The following AP3S1 variants were observed in gnomAD, a reference collection of about 807,000 sequenced individuals.
AP3S1 encodes adaptor related protein complex 3 subunit sigma 1.
AP3S1 carries 12 observed loss-of-function variants against 21.3 expected under a neutral mutation model. The ratio of observed to expected loss-of-function variants is 0.56; its 90% CI spans 0.36 to 0.91. The LOEUF (loss-of-function observed/expected upper bound fraction) is 0.91, where lower values mean the gene tolerates loss of function less well. Ranked by LOEUF, AP3S1 falls within the 40% of genes least tolerant of loss-of-function variation. The probability of loss-of-function intolerance (pLI) is 0.01; values close to 1 mark genes in which losing one functional copy is unlikely to be tolerated. For missense variants in AP3S1, 116 were observed against 225.0 expected (o/e 0.52, Z 3.10); for synonymous variants, 48 against 78.4 (o/e 0.61, Z 2.05).
chr5:115,883,051 C>T (rs156659), intron 3 of AP3S1, among the ~76,000 whole-genome samples: 21,358 of 152,176 alleles, frequency 0.14, 1,776 homozygotes, highest in East Asian at 0.24. Flanking sequence ...GCCTCTGCCC[C>T]GACTAAGCTC....
chr5:115,895,432 C>T (rs779636995), intron 4 of AP3S1, among the ~76,000 whole-genome samples: 1 of 152,068 alleles, frequency 6.6e-6, no homozygotes, highest in Non-Finnish European at 1.5e-5. Flanking sequence ...AACCACTTAC[C>T]TCTGCCTAGG....
At chr5:115,864,420 C>T (rs1763449832) in intron 1 of AP3S1, among the ~76,000 whole-genome samples, 1 of 152,136 alleles carries the variant, frequency 6.6e-6, no homozygotes, top group African/African-American at 2.4e-5. Flanking sequence ...TGTAATTCAG[C>T]CTAAAGATCA....
intron 1 of AP3S1, among the ~76,000 whole-genome samples, chr5:115,847,709 G>C (rs143009774): frequency 1.3e-5 from 2 of 152,190 alleles, no homozygotes; most frequent in Admixed American, 1.3e-4. Context: ...TTTTGTATAT[G>C]TATATATTGT....
At chr5:115,871,462 A>T (rs529535755) in intron 3 of AP3S1, among the ~76,000 whole-genome samples, 2 of 152,280 alleles carry the variant, frequency 1.3e-5, no homozygotes, top group South Asian at 4.1e-4. Context: ...TCTAGATTTT[A>T]TCTTTGTCTA....
At chr5:115,852,153 CTT>C (rs1762482351) in intron 1 of AP3S1, among the ~76,000 whole-genome samples, 1 of 152,058 alleles carries the variant, frequency 6.6e-6, no homozygotes, top group African/African-American at 2.4e-5. Flanking sequence ...CTCAAATACT[CTT>C]TGTGTTTTCT....
chr5:115,845,603 G>A lies in AP3S1; in HGVS notation c.69+3497G>A, dbSNP rs1761996922. ...AATCTCAGCACTTTGGGAGGCCAAG[G>A]CAGGCGGATCACCTGAGGTCAAGAG... On this transcript the variant is annotated intron_variant, in intron 1 of 5. Transcript: ENST00000316788. Among the ~76,000 whole-genome samples the A allele has an allele frequency of 2.0e-5, 3 of 152,172 alleles. No homozygotes were observed. The South Asian group carries it at 6.2e-4, about 32-fold the overall frequency.
chr5:115,882,017 T>C (rs956045778), intron 3 of AP3S1, among the ~76,000 whole-genome samples: 1 of 151,818 alleles, frequency 6.6e-6, no homozygotes, highest in Non-Finnish European at 1.5e-5. Context: ...GTGTGCTTCA[T>C]GAAGTTCTCC....
chr5:115,895,288 C>T, intron 4 of AP3S1, 130 bp downstream of exon 4: 1 of 592,692 alleles, frequency 1.7e-6, no homozygotes, highest in Admixed American at 3.7e-5. Flanking sequence ...TTTTTTTTTA[C>T]TATGAGCCAG....
At chr5:115,844,352 T>C (rs1393652637) in intron 1 of AP3S1, among the ~76,000 whole-genome samples, 2 of 152,144 alleles carry the variant, frequency 1.3e-5, no homozygotes, top group African/African-American at 2.4e-5. Flanking sequence ...TAGTATTACG[T>C]GCTGTGGAAA....
rs771888426 is a variant in AP3S1, at chr5:115,841,995, C to T, written c.-43C>T. The T allele has an allele frequency of 7.0e-6, 11 of 1,560,884 alleles. No homozygotes were observed. Among genetic ancestry groups the T allele is most frequent in the Admixed American group, 3.8e-5 (2 of 51,954 alleles). ...CGAGGCGAGGCTCGCGCGCCCGCCC[C>T]CGCCCTGGCCCCCAGTGCCCACCCG... On this transcript the variant is annotated 5_prime_UTR_variant, in exon 1 of 6. Transcript: ENST00000316788.
In AP3S1 at chr5:115,862,494, C is replaced by T. The variant is rs115785953; in HGVS notation, c.70-4176C>T. On this transcript the variant is annotated intron_variant, in intron 1 of 5. Coordinates refer to ENST00000316788, the MANE Select transcript of AP3S1 (RefSeq NM_001284.4). ...ACTGGACGTGGTGCTATTCTCAGTA[C>T]GTGGTGCTACTCTCAGTGGAGAGAA... Among the ~76,000 whole-genome samples, 232 of 152,172 alleles carry T rather than the reference C, an allele frequency of 1.5e-3. 1 individual carries two copies. Among genetic ancestry groups the T allele is most frequent in the African/African-American group, 5.2e-3 (215 of 41,524 alleles).
intron 1 of AP3S1, among the ~76,000 whole-genome samples, chr5:115,854,619 T>G (rs1002172331): frequency 2.0e-5 from 3 of 151,862 alleles, no homozygotes; most frequent in Non-Finnish European, 4.4e-5. Flanking sequence ...TGCTAGGGTC[T>G]TCTCTTTTTC....
At chr5:115,872,033 G>A (rs535073468) in intron 3 of AP3S1, among the ~76,000 whole-genome samples, 2 of 152,258 alleles carry the variant, frequency 1.3e-5, no homozygotes, top group African/African-American at 4.8e-5. Flanking sequence ...AAACATTGTG[G>A]CCAGGTGTGG....
At chr5:115,890,071 G>C (rs964533463) in intron 3 of AP3S1, among the ~76,000 whole-genome samples, 1 of 151,270 alleles carries the variant, frequency 6.6e-6, no homozygotes, top group Non-Finnish European at 1.5e-5. Context: ...GCGTATAATC[G>C]TTTTGAAAGT....
intron 3 of AP3S1, among the ~76,000 whole-genome samples, chr5:115,884,044 G>A (rs972226683): frequency 1.3e-5 from 2 of 152,118 alleles, no homozygotes; most frequent in African/African-American, 4.8e-5. Context: ...TCACTTTGCA[G>A]ATTACCATGG....
intron 1 of AP3S1, among the ~76,000 whole-genome samples, chr5:115,861,074 C>T (rs1462830433): frequency 1.3e-5 from 2 of 152,064 alleles, no homozygotes; most frequent in African/African-American, 4.8e-5. Flanking sequence ...ATTCAGACTA[C>T]TACAAAGGAA....
In AP3S1 at chr5:115,868,382, G is replaced by C. The variant is rs755619392; in HGVS notation, c.161+1621G>C. On this transcript the variant is annotated intron_variant, in intron 2 of 5. Transcript: ENST00000316788. Reference sequence around the variant, plus strand: ...CAGGGAACAATTGCAGTCATAGTCTGTAAATATACTCTCAGAATCTTTAAA... The same window carrying C: ...CAGGGAACAATTGCAGTCATAGTCTCTAAATATACTCTCAGAATCTTTAAA... 4.6e-5 allele frequency among the ~76,000 whole-genome samples: 7 copies of C among 152,190 alleles called. No homozygotes were observed. In the East Asian group the frequency reaches 1.2e-3, roughly 25 times the overall value.
chr5:115,906,996 A>T (rs1751704448), intron 5 of AP3S1: 1 of 1,245,998 alleles, frequency 8.0e-7, no homozygotes, highest in Admixed American at 4.0e-5. Context: ...CCTATTTTCC[A>T]TTCTAGTTTC....
intron 1 of AP3S1, among the ~76,000 whole-genome samples, chr5:115,842,985 C>T (rs1428251505): frequency 8.4e-6 from 1 of 119,426 alleles, no homozygotes; most frequent in Non-Finnish European, 1.7e-5. Context: ...TGTAGAACTT[C>T]TCTTTTAACG....
Sources: gnomAD v4.1 joint callset for allele counts (sites outside exome capture counted in the v4.1 genomes callset) on GRCh38, gnomAD v4.1.1 for gene constraint, MANE v1.5 for transcripts, NCBI Gene and HGNC (gene_info 2026-07-23, HGNC 2026-07-21) for gene names.